The following BTBD7 variants were observed in gnomAD, a reference collection of about 807,000 sequenced individuals.
The protein encoded by BTBD7 is BTB domain containing 7.
Under a neutral mutation model 99.9 loss-of-function variants are expected in BTBD7, and 38 were observed. The observed-to-expected ratio is 0.38, with a 90% confidence interval of 0.29 to 0.50. The LOEUF (loss-of-function observed/expected upper bound fraction) is 0.50. Ranked by LOEUF, BTBD7 falls within the 20% of genes least tolerant of loss-of-function variation. BTBD7 has a pLI of 0.93. For synonymous variants in BTBD7, 520 were observed against 511.4 expected, an observed-to-expected ratio of 1.02 and a Z score of -0.23; for missense variants, 1,170 against 1,394.6, an observed-to-expected ratio of 0.84 and a Z score of 2.57.
intron 1 of BTBD7, among the ~76,000 whole-genome samples, chr14:93,325,871 T>C (rs2053324975): frequency 1.3e-5 from 2 of 152,186 alleles, no homozygotes; most frequent in Non-Finnish European, 2.9e-5. Flanking sequence ...TCCCCATCTA[T>C]TTCAATCTTA....
chr14:93,253,837 ATAC>A (rs745350608), intron 6 of BTBD7, 47 bp from the exon 7 acceptor site: 4 of 853,036 alleles, frequency 4.7e-6, no homozygotes, highest in Non-Finnish European at 6.8e-6. Flanking sequence ...TAGTACTATA[ATAC>A]TACTAAGATA....
chr14:93,238,087 G>A lies in BTBD7; in HGVS notation c.*4186C>T, dbSNP rs947824357. 1.1e-4 allele frequency: 17 copies of A among 152,386 alleles called. No homozygotes were observed. The highest frequency in any genetic ancestry group is 7.9e-4 in the Admixed American group (12 of 15,272). 9.4% of individuals were successfully genotyped at this position (152,386 alleles called of 1,614,324 possible). On this transcript the variant is annotated 3_prime_UTR_variant, in exon 11 of 11. Transcript: ENST00000334746. Reference sequence around the variant, plus strand: ...GATACAGTTACATGTAGGTACAGATGATGAAGCTTCCAGAGCTTATCTGAT... The same window carrying A: ...GATACAGTTACATGTAGGTACAGATAATGAAGCTTCCAGAGCTTATCTGAT...
intron 1 of BTBD7, among the ~76,000 whole-genome samples, chr14:93,308,315 G>T (rs972616580): frequency 5.5e-5 from 8 of 145,978 alleles, no homozygotes; most frequent in African/African-American, 1.0e-4. Flanking sequence ...GAAAAGAAAA[G>T]AAAATTGGAT....
At position 93,270,939 on chromosome 14, in the gene BTBD7, T is replaced by G. The variant is rs547049248; in HGVS notation, c.1163-6946A>C. 9.8e-5 allele frequency among the ~76,000 whole-genome samples: 15 copies of G among 152,328 alleles called. 1 individual carries two copies. In the South Asian group the frequency reaches 3.1e-3, roughly 32 times the overall value. The stretch of plus-strand genomic sequence containing the variant: ...AATCCTTTCCTCTATTCTCTTTTAC[T>G]AGGATATTTTCTTTCTAATCTTTAA... On this transcript the variant is annotated intron_variant, in intron 3 of 10. Transcript: ENST00000334746.
At chr14:93,301,692 C>T (rs1032974722) in intron 1 of BTBD7, among the ~76,000 whole-genome samples, 3 of 151,844 alleles carry the variant, frequency 2.0e-5, no homozygotes, top group Non-Finnish European at 4.4e-5. Flanking sequence ...TTCTCAAAAA[C>T]AAAAACAAAA....
intron 1 of BTBD7, among the ~76,000 whole-genome samples, chr14:93,327,410 T>C (rs1200949940): frequency 7.2e-5 from 11 of 152,134 alleles, no homozygotes; most frequent in Admixed American, 7.2e-4. Flanking sequence ...CCCCACTAAA[T>C]AACTATAGTA....
At chr14:93,251,419 A>G (rs2052365935) in intron 8 of BTBD7, 44 bp downstream of exon 8, 1 of 1,500,952 alleles carries the variant, frequency 6.7e-7, no homozygotes, top group South Asian at 1.4e-5. Context: ...CAAAAAAACA[A>G]TAAATTATTC....
At chr14:93,303,778 A>G (rs1173907212) in intron 1 of BTBD7, among the ~76,000 whole-genome samples, 2 of 152,180 alleles carry the variant, frequency 1.3e-5, no homozygotes, top group Non-Finnish European at 2.9e-5. Context: ...ACCTCAGAAG[A>G]AGATCCTCTT....
At chr14:93,258,093 C>A (rs182020303) in intron 5 of BTBD7, among the ~76,000 whole-genome samples, 2 of 151,296 alleles carry the variant, frequency 1.3e-5, no homozygotes, top group Admixed American at 6.6e-5. Context: ...ATCTAGGGGT[C>A]TGTAATTTTT....
At chr14:93,302,621 C>A (rs1173496643) in intron 1 of BTBD7, among the ~76,000 whole-genome samples, 1 of 152,026 alleles carries the variant, frequency 6.6e-6, no homozygotes, top group African/African-American at 2.4e-5. Flanking sequence ...CCGAGGCGGG[C>A]GGATCACGAG....
chr14:93,270,153 T>C (rs1390799550), intron 3 of BTBD7, among the ~76,000 whole-genome samples: 4 of 152,152 alleles, frequency 2.6e-5, no homozygotes, highest in African/African-American at 9.7e-5. Flanking sequence ...TGGAGTGCAG[T>C]GGCGTGATCT....
chr14:93,318,017 CG>C (rs753287053), intron 1 of BTBD7, among the ~76,000 whole-genome samples: 5 of 152,200 alleles, frequency 3.3e-5, no homozygotes, highest in African/African-American at 4.8e-5. Flanking sequence ...TTCCTCTGGA[CG>C]TTGCCCCATG....
intron 3 of BTBD7, among the ~76,000 whole-genome samples, chr14:93,292,183 G>A (rs1006861835): frequency 3.3e-5 from 5 of 151,982 alleles, no homozygotes; most frequent in Admixed American, 6.6e-5. Flanking sequence ...TCAAGACTCC[G>A]TTTTTAAAAA....
chr14:93,243,473 G>A (rs1000502664), intron 10 of BTBD7, among the ~76,000 whole-genome samples: 8 of 152,180 alleles, frequency 5.3e-5, no homozygotes, highest in African/African-American at 1.7e-4. Context: ...GATTACAGGC[G>A]TGAGCCACCG....
At chr14:93,325,216 C>T (rs981520594) in intron 1 of BTBD7, among the ~76,000 whole-genome samples, 1 of 149,230 alleles carries the variant, frequency 6.7e-6, no homozygotes, top group Non-Finnish European at 1.5e-5. Context: ...TGGGGACAAG[C>T]GATTCTCCCG....
chr14:93,299,519 A>AAT (rs1308864529), intron 1 of BTBD7, among the ~76,000 whole-genome samples: 2 of 152,150 alleles, frequency 1.3e-5, no homozygotes, highest in African/African-American at 2.4e-5. Flanking sequence ...AGAGGCCCAG[A>AAT]ATATGCAAAA....
At chr14:93,249,718 T>C (rs1346805072) in intron 8 of BTBD7, among the ~76,000 whole-genome samples, 1 of 152,184 alleles carries the variant, frequency 6.6e-6, no homozygotes, top group Non-Finnish European at 1.5e-5. Flanking sequence ...GAGCCTAAAG[T>C]ATTTACTATC....
In BTBD7 at chr14:93,294,116, T is replaced by C. The variant is rs773617351; in HGVS notation, c.904A>G (p.Ile302Val). Residue 302 changes from isoleucine to valine, a missense_variant, in exon 3 of 11, where the codon ATC becomes GTC. Ile to Val is a conservative substitution (Grantham distance 29). Around this residue, in one of 4 missense-constraint regions of BTBD7, gnomAD observed 359 missense variants for 497.9 expected, o/e 0.72. Coordinates refer to ENST00000334746, the MANE Select transcript of BTBD7 (RefSeq NM_001002860.4). ...LQRRIRTGEE[I>V]TDRTLRTPTR... ...GGAGTCCTCAAAGTTCGGTCTGTGA[T>C]TTCTTCACCAGTTCGTATCCTCCTT... 11 of 1,614,058 alleles carry C rather than the reference T, an allele frequency of 6.8e-6. No homozygotes were observed. In the African/African-American group the frequency reaches 1.5e-4, roughly 22 times the overall value.
At chr14:93,301,069 C>T (rs140714610) in intron 1 of BTBD7, among the ~76,000 whole-genome samples, 380 of 152,184 alleles carry the variant, frequency 2.5e-3, no homozygotes, top group Non-Finnish European at 4.6e-3. Context: ...AACGGCCTGG[C>T]TCAGTGGCTC....
Sources: gnomAD v4.1 joint callset for allele counts (sites outside exome capture counted in the v4.1 genomes callset) on GRCh38, gnomAD v4.1.1 for gene constraint, gnomAD v4.1.1 regional missense constraint, MANE v1.5 for transcripts, NCBI Gene and HGNC (gene_info 2026-07-23, HGNC 2026-07-21) for gene names.